The following CALCR variants were observed in gnomAD, a reference collection of about 807,000 sequenced individuals.
The protein encoded by CALCR is calcitonin receptor.
In CALCR, 47 loss-of-function variants were observed where a neutral mutation model predicts 59.5. The observed-to-expected ratio is 0.79, with a 90% CI of 0.63 to 1.01. The LOEUF (loss-of-function observed/expected upper bound fraction) is 1.01. CALCR is among the 50% of genes least tolerant of loss of function. CALCR has a pLI of 0.00. For synonymous variants in CALCR, 213 were observed against 211.3 expected, an observed-to-expected ratio of 1.01 and a Z score of -0.07; for missense variants, 566 against 597.1, an observed-to-expected ratio of 0.95 and a Z score of 0.54.
intron 2 of CALCR, among the ~76,000 whole-genome samples, chr7:93,487,655 A>G (rs1018338958): frequency 6.6e-6 from 1 of 151,504 alleles, no homozygotes; most frequent in Non-Finnish European, 1.5e-5. Flanking sequence ...ATGGCTCTGC[A>G]GATAATTTTA....
intron 3 of CALCR, chr7:93,483,832 T>C (rs1800861246): frequency 1.2e-5 from 4 of 347,314 alleles, no homozygotes; most frequent in Admixed American, 9.5e-5. Context: ...ATTAAGGGCA[T>C]ATTGTTTTTC....
chr7:93,465,671 T>C (rs1036981361), intron 7 of CALCR, among the ~76,000 whole-genome samples: 2 of 151,910 alleles, frequency 1.3e-5, no homozygotes, highest in Non-Finnish European at 2.9e-5. Flanking sequence ...GCATAGAAGA[T>C]AAATTTTCTG....
At chr7:93,505,735 A>C (rs968011913) in intron 2 of CALCR, among the ~76,000 whole-genome samples, 3 of 149,038 alleles carry the variant, frequency 2.0e-5, no homozygotes, top group Non-Finnish European at 4.6e-5. Context: ...AATAGGAGGC[A>C]AAATCACGCG....
intron 8 of CALCR, among the ~76,000 whole-genome samples, chr7:93,450,512 C>A (rs1275088351): frequency 5.9e-5 from 9 of 151,818 alleles, no homozygotes; most frequent in Non-Finnish European, 1.3e-4. Flanking sequence ...GATTTATTTC[C>A]TTCACTTTTG....
intron 8 of CALCR, among the ~76,000 whole-genome samples, chr7:93,458,715 A>G (rs1351038219): frequency 1.3e-5 from 2 of 151,600 alleles, no homozygotes; most frequent in African/African-American, 4.8e-5. Flanking sequence ...TTACCACACC[A>G]CCTCTCTGTC....
At chr7:93,498,736 T>A (rs1434459111) in intron 2 of CALCR, among the ~76,000 whole-genome samples, 2 of 151,704 alleles carry the variant, frequency 1.3e-5, no homozygotes, top group African/African-American at 4.8e-5. Flanking sequence ...AAATCTGTGT[T>A]CTTAGTCACT....
intron 2 of CALCR, among the ~76,000 whole-genome samples, chr7:93,529,641 C>A (rs1030167583): frequency 6.6e-6 from 1 of 152,002 alleles, no homozygotes; most frequent in African/African-American, 2.4e-5. Flanking sequence ...TTTATTTCTT[C>A]TAATTTCATA....
intron 2 of CALCR, among the ~76,000 whole-genome samples, chr7:93,526,261 T>C (rs1174054765): frequency 6.6e-6 from 1 of 152,148 alleles, no homozygotes; most frequent in Non-Finnish European, 1.5e-5. Flanking sequence ...ATGACACTGT[T>C]AAACAGTAAC....
At chr7:93,432,901 A>T (rs1044113325) in intron 13 of CALCR, among the ~76,000 whole-genome samples, 29 of 152,302 alleles carry the variant, frequency 1.9e-4, no homozygotes, top group Non-Finnish European at 3.4e-4. Flanking sequence ...TTATCATTCT[A>T]AAAAATATTA....
At chr7:93,522,269 A>C (rs1484765111) in intron 2 of CALCR, among the ~76,000 whole-genome samples, 1 of 152,210 alleles carries the variant, frequency 6.6e-6, no homozygotes, top group Non-Finnish European at 1.5e-5. Flanking sequence ...ATACTGATTT[A>C]TCAATTTGTA....
chr7:93,561,206 G>T (rs2116266046), intron 2 of CALCR, among the ~76,000 whole-genome samples: 1 of 152,304 alleles, frequency 6.6e-6, no homozygotes, highest in South Asian at 2.1e-4. Context: ...TTAGTAGGTT[G>T]CATGCACATG....
At chr7:93,479,642 T>A (rs1800750627) in intron 3 of CALCR, 135 bp from the exon 4 acceptor site, 4 of 725,446 alleles carry the variant, frequency 5.5e-6, no homozygotes, top group Non-Finnish European at 8.9e-6. Flanking sequence ...CTATGTACAG[T>A]TTTTTTCATA....
intron 2 of CALCR, among the ~76,000 whole-genome samples, chr7:93,488,838 A>C (rs1176752602): frequency 6.6e-6 from 1 of 151,786 alleles, no homozygotes; most frequent in African/African-American, 2.4e-5. Flanking sequence ...TTCTACTACC[A>C]ATATTAGAGA....
In CALCR at chr7:93,425,900, T is replaced by A. The variant is rs1221400285; in HGVS notation, c.*456A>T. ...TAAAACATCTCAGTAACATCAGAAT[T>A]GACTGAAATTTAAAAAAATTAAAAA... On this transcript the variant is annotated 3_prime_UTR_variant, in exon 14 of 14. Transcript: ENST00000426151. The A allele has an allele frequency of 1.3e-5, 2 of 154,332 alleles. No individual in the cohort carries two copies. The highest frequency in any genetic ancestry group is 4.8e-5 in the African/African-American group (2 of 41,436). 9.6% of individuals were successfully genotyped at this position (154,332 alleles called of 1,614,324 possible).
At chr7:93,478,197 G>A (rs1485641639) in intron 4 of CALCR, among the ~76,000 whole-genome samples, 5 of 145,728 alleles carry the variant, frequency 3.4e-5, no homozygotes, top group Non-Finnish European at 6.1e-5. Flanking sequence ...TATGTCTAAT[G>A]CCTGTTCAGT....
At chr7:93,447,388 T>C (rs923444101) in intron 8 of CALCR, among the ~76,000 whole-genome samples, 1 of 152,026 alleles carries the variant, frequency 6.6e-6, no homozygotes, top group Non-Finnish European at 1.5e-5. Flanking sequence ...TGTGTGGCAA[T>C]ATGTTCAAGA....
chr7:93,446,387 A>C lies in CALCR; in HGVS notation c.649-2630T>G, dbSNP rs141968281. On this transcript the variant is annotated intron_variant, in intron 8 of 13. Coordinates refer to ENST00000426151, the MANE Select transcript of CALCR (RefSeq NM_001742.4). ...AGGTGGTTTATCAGTGTCACCTGAT[A>C]ATTTTTTAAGAAATATACAGAACCA... Among the ~76,000 whole-genome samples the C allele has an allele frequency of 3.6e-3, 540 of 152,092 alleles. 3 individuals carry two copies. Among genetic ancestry groups the C allele is most frequent in the Non-Finnish European group, 6.8e-3 (460 of 67,936 alleles).
intron 9 of CALCR, 74 bp downstream of exon 9, chr7:93,443,530 A>G (rs1164064916): frequency 1.4e-6 from 2 of 1,398,430 alleles, no homozygotes; most frequent in African/African-American, 2.9e-5. Context: ...CTCTGAGACC[A>G]AGACTAGAAG....
chr7:93,464,782 T>C (rs1167347236), intron 7 of CALCR, among the ~76,000 whole-genome samples: 1 of 151,910 alleles, frequency 6.6e-6, no homozygotes, highest in Non-Finnish European at 1.5e-5. Flanking sequence ...TTTGATACCA[T>C]TGATTTCATG....
Sources: allele counts gnomAD v4.1 joint callset (sites outside exome capture counted in the v4.1 genomes callset), GRCh38; gene constraint gnomAD v4.1.1; transcripts MANE v1.5; gene names NCBI Gene and HGNC (gene_info 2026-07-23, HGNC 2026-07-21).